Variants in CACNA1B observed in about 807,000 individuals in gnomAD.
CACNA1B encodes calcium voltage-gated channel subunit alpha1 B, also known as voltage-dependent N-type calcium channel subunit alpha-1B.
In CACNA1B, 70 loss-of-function variants were observed where a neutral mutation model predicts 247.2. That is an observed-to-expected ratio of 0.28 (90% CI 0.23 to 0.35). The LOEUF (loss-of-function observed/expected upper bound fraction) is 0.35, where lower values mean the gene tolerates loss of function less well. Ranked by LOEUF, CACNA1B falls within the 10% of genes least tolerant of loss-of-function variation. The pLI is 1.00. For missense variants in CACNA1B, 2,367 were observed against 3,197.4 expected, an observed-to-expected ratio of 0.74 and a Z score of 6.26; for synonymous variants, 1,231 against 1,294.4, an observed-to-expected ratio of 0.95 and a Z score of 1.05.
In CACNA1B at chr9:138,058,790, C is replaced by G. The variant is rs1347015723; in HGVS notation, c.4473+57C>G. 6.7e-7 allele frequency: 1 copy of G among 1,489,512 alleles called. No individual in the cohort carries two copies. The highest frequency in any genetic ancestry group is 9.2e-7 in the Non-Finnish European group (1 of 1,092,782). 92.3% of individuals were successfully genotyped at this position (1,489,512 alleles called of 1,614,324 possible). A position where few individuals can be genotyped will look rare whatever the true frequency, so the allele number is the denominator to read the frequency against. ...GCGCTGCTAGGGATTGGGATCTAAC[C>G]CTGAGGCTGAGTGGAGAGTCAGCCT... On this transcript the variant is annotated intron_variant, in intron 29 of 46. Transcript: ENST00000371372. This position sits in a 1 kb window ranked among gnomAD's most constrained non-coding sequence, Gnocchi z 4.7.
rs553353299 is a variant in CACNA1B, at chr9:137,886,078, C to T, written c.530+3195C>T. ...GCCTCCTTTCCAGGAGGGCTCCTGG[C>T]GCCTGGCCGTCTCCTGTGGTCGTCT... On this transcript the variant is annotated intron_variant, in intron 3 of 46. Coordinates refer to ENST00000371372, the MANE Select transcript of CACNA1B (RefSeq NM_000718.4). 3.3e-5 allele frequency among the ~76,000 whole-genome samples: 5 copies of T among 151,518 alleles called. No homozygotes were observed. The East Asian group carries it at 5.9e-4, about 18-fold the overall frequency.
intron 10 of CACNA1B, among the ~76,000 whole-genome samples, chr9:137,970,084 A>T (rs1050959349): frequency 6.6e-6 from 1 of 152,190 alleles, no homozygotes; most frequent in African/African-American, 2.4e-5. Context: ...CATAGCACAC[A>T]TGCCCACACT....
In CACNA1B at chr9:138,014,548, A is replaced by G. The variant is rs1263669892; in HGVS notation, c.2267+1313A>G. Reference sequence around the variant, plus strand: ...TTTCGATCTTTCATTGTCTTGGCCAATTCGGTTATTTGGTTCATTAGTTAT... The same window carrying G: ...TTTCGATCTTTCATTGTCTTGGCCAGTTCGGTTATTTGGTTCATTAGTTAT... On this transcript the variant is annotated intron_variant, in intron 18 of 46. Transcript: ENST00000371372. The surrounding 1 kb of genome is among the most constrained non-coding windows in gnomAD (Gnocchi z 6.2). Among the ~76,000 whole-genome samples the G allele has an allele frequency of 2.6e-5, 4 of 152,090 alleles. No homozygotes were observed. In the East Asian group the frequency reaches 7.7e-4, roughly 29 times the overall value.
intron 12 of CACNA1B, among the ~76,000 whole-genome samples, chr9:137,983,824 G>A (rs555734730): frequency 1.4e-5 from 2 of 147,528 alleles, no homozygotes; most frequent in Admixed American, 7.0e-5. Flanking sequence ...ATTAGACCAG[G>A]TGGTTGTAAG....
chr9:138,102,957 T>C lies in CACNA1B; in HGVS notation c.5319+150T>C. On this transcript the variant is annotated intron_variant, in intron 38 of 46. Coordinates refer to ENST00000371372, the MANE Select transcript of CACNA1B (RefSeq NM_000718.4). The surrounding 1 kb of genome is among the most constrained non-coding windows in gnomAD (Gnocchi z 5.4). Reference sequence around the variant, plus strand: ...CGCCCCCGGCTGCCTCACTGTGTCTTTCTCTTCAGCCCCATCCCAGCTTCC... The same window carrying C: ...CGCCCCCGGCTGCCTCACTGTGTCTCTCTCTTCAGCCCCATCCCAGCTTCC... 1.7e-6 allele frequency: 1 copy of C among 584,128 alleles called. No individual in the cohort carries two copies. The highest frequency in any genetic ancestry group is 2.1e-5 in the South Asian group (1 of 47,700). The allele number at this position is 584,128 out of a possible 1,614,324, so 36.2% of individuals were successfully genotyped here. A position where few individuals can be genotyped will look rare whatever the true frequency, so the allele number is the denominator to read the frequency against.
At chr9:138,021,528 C>T (rs929801043) in intron 18 of CACNA1B, among the ~76,000 whole-genome samples, 44 of 152,346 alleles carry the variant, frequency 2.9e-4, no homozygotes, top group African/African-American at 9.4e-4. Context: ...TGGTGCTCAG[C>T]GGCTCAGGGC....
chr9:138,075,140 G>C (rs10867104), intron 34 of CACNA1B, among the ~76,000 whole-genome samples: 22,161 of 152,214 alleles, frequency 0.15, 4,561 homozygotes, highest in African/African-American at 0.46. Context: ...GTGTTTCAAA[G>C]GTTCACGGAA....
Position 138,121,388 on chromosome 9 carries a change from T to G in CACNA1B, c.6490-81T>G. On this transcript the variant is annotated intron_variant, in intron 46 of 46. Transcript: ENST00000371372. The surrounding 1 kb of genome is among the most constrained non-coding windows in gnomAD (Gnocchi z 6.8). ...CTCCTCCCATCCCCCCAGGCACCTG[T>G]GTGTGATGTGCTCTGTCTGTTGGTT... The G allele has an allele frequency of 1.8e-6, 2 of 1,101,464 alleles. No homozygotes were observed. The highest frequency in any genetic ancestry group is 1.7e-5 in the South Asian group (1 of 59,882). 68.2% of individuals were successfully genotyped at this position (1,101,464 alleles called of 1,614,324 possible).
chr9:137,908,440 C>T (rs918550528), intron 3 of CACNA1B, among the ~76,000 whole-genome samples: 2 of 151,704 alleles, frequency 1.3e-5, no homozygotes, highest in Admixed American at 1.3e-4. Context: ...CGCTTGAACC[C>T]AGGAGGCGGA....
chr9:137,952,613 C>G lies in CACNA1B; in HGVS notation c.1070+236C>G, dbSNP rs1361773835. ...ACCCCTGGCCTTTCCGTGGTCTCTGCCATGGGAGAGTAGCTGCCACTACTC... is the reference window on the plus strand; with the variant it reads ...ACCCCTGGCCTTTCCGTGGTCTCTGGCATGGGAGAGTAGCTGCCACTACTC... On this transcript the variant is annotated intron_variant, in intron 7 of 46. Coordinates refer to ENST00000371372, the MANE Select transcript of CACNA1B (RefSeq NM_000718.4). This position sits in a 1 kb window ranked among gnomAD's most constrained non-coding sequence, Gnocchi z 4.8. 6.6e-6 allele frequency among the ~76,000 whole-genome samples: 1 copy of G among 152,080 alleles called. No individual in the cohort carries two copies. Among genetic ancestry groups the G allele is most frequent in the Non-Finnish European group, 1.5e-5 (1 of 68,014 alleles).
At chr9:138,109,809 G>A (rs1961560955) in intron 39 of CACNA1B, among the ~76,000 whole-genome samples, 1 of 152,166 alleles carries the variant, frequency 6.6e-6, no homozygotes, top group Admixed American at 6.5e-5. Context: ...GGTGGCTCAC[G>A]CCTGTAATTC....
In CACNA1B at chr9:137,882,651, G is replaced by A; in HGVS notation, c.391-93G>A. 2 of 1,444,052 alleles carry A rather than the reference G, an allele frequency of 1.4e-6. No individual in the cohort carries two copies. The highest frequency in any genetic ancestry group is 2.4e-5 in the South Asian group (2 of 82,118). 89.5% of individuals were successfully genotyped at this position (1,444,052 alleles called of 1,614,324 possible). On this transcript the variant is annotated intron_variant, in intron 2 of 46. Transcript: ENST00000371372. This position sits in a 1 kb window ranked among gnomAD's most constrained non-coding sequence, Gnocchi z 4.0. ...CAGACCCTCACGATAGCTGTGGCCTGCACATGGTGGGGTGGGGTCCTCACC... is the reference window on the plus strand; with the variant it reads ...CAGACCCTCACGATAGCTGTGGCCTACACATGGTGGGGTGGGGTCCTCACC...
chr9:137,984,380 A>G, intron 13 of CACNA1B, 130 bp downstream of exon 13: 2 of 703,936 alleles, frequency 2.8e-6, no homozygotes, highest in Non-Finnish European at 2.4e-6. Context: ...AGTTGATTTA[A>G]ATACAAAAGG....
At chr9:137,901,597 C>G (rs1304882450) in intron 3 of CACNA1B, among the ~76,000 whole-genome samples, 4 of 151,962 alleles carry the variant, frequency 2.6e-5, no homozygotes, top group Non-Finnish European at 2.9e-5. Context: ...TTTCATGGCT[C>G]CTGAGACATT....
intron 20 of CACNA1B, among the ~76,000 whole-genome samples, chr9:138,033,155 C>A (rs928424665): frequency 6.6e-6 from 1 of 152,160 alleles, no homozygotes; most frequent in Non-Finnish European, 1.5e-5. Context: ...CTGTGCCTTC[C>A]ATTCTGCTGT....
intron 39 of CACNA1B, among the ~76,000 whole-genome samples, chr9:138,109,586 A>G (rs1961552292): frequency 2.0e-5 from 3 of 151,926 alleles, no homozygotes; most frequent in South Asian, 2.1e-4. Flanking sequence ...CCCCACAGGA[A>G]CTCCTTGAAC....
In CACNA1B at chr9:138,089,967, A is replaced by G. The variant is rs139356380; in HGVS notation, c.5095-6517A>G. Among the ~76,000 whole-genome samples, 13 of 152,312 alleles carry G rather than the reference A, an allele frequency of 8.5e-5. No homozygotes were observed. In the East Asian group the frequency reaches 2.5e-3, roughly 29 times the overall value. ...CTGAAGAGGACACACAAAAAATAGAAAGACATTTGATGCTCATGGATTGGA... is the reference window on the plus strand; with the variant it reads ...CTGAAGAGGACACACAAAAAATAGAGAGACATTTGATGCTCATGGATTGGA... On this transcript the variant is annotated intron_variant, in intron 36 of 46. Coordinates refer to ENST00000371372, the MANE Select transcript of CACNA1B (RefSeq NM_000718.4).
chr9:138,108,227 C>T (rs964022584), intron 39 of CACNA1B, among the ~76,000 whole-genome samples: 6 of 137,440 alleles, frequency 4.4e-5, no homozygotes, highest in Non-Finnish European at 9.1e-5. Context: ...CTCCCAGCTG[C>T]TTGGGGAGGC....
chr9:138,047,504 TC>T (rs1157477619), intron 23 of CACNA1B, 46 bp downstream of exon 23: 2 of 1,351,902 alleles, frequency 1.5e-6, no homozygotes, highest in African/African-American at 2.9e-5. Flanking sequence ...TTGCTCTCCC[TC>T]CCTCATGATT....
Sources: gnomAD v4.1 joint callset for allele counts (sites outside exome capture counted in the v4.1 genomes callset) on GRCh38, gnomAD v4.1.1 for gene constraint, Gnocchi (gnomAD v3.1) non-coding constraint, MANE v1.5 for transcripts, NCBI Gene and HGNC (gene_info 2026-07-23, HGNC 2026-07-21) for gene names.